Variants in PRKD1 observed in about 807,000 individuals in gnomAD.
PRKD1 encodes protein kinase D1, also known as serine/threonine-protein kinase D1.
In PRKD1, 63 loss-of-function variants were observed where a neutral mutation model predicts 95.9. The observed-to-expected ratio is 0.66, with a 90% CI of 0.54 to 0.81. The LOEUF is 0.81. PRKD1 is among the 30% of genes least tolerant of loss of function. The pLI is 0.00. For synonymous variants in PRKD1, 425 were observed against 423.1 expected, an observed-to-expected ratio of 1.00 and a Z score of -0.05; for missense variants, 1,048 against 1,165.3, an observed-to-expected ratio of 0.90 and a Z score of 1.47.
At chr14:29,851,670 T>A (rs1892312069) in intron 1 of PRKD1, among the ~76,000 whole-genome samples, 1 of 152,136 alleles carries the variant, frequency 6.6e-6, no homozygotes, top group Non-Finnish European at 1.5e-5. Context: ...GGAAAGCAGT[T>A]TGGAGACTGC....
At chr14:29,749,343 C>A (rs1244630978) in intron 1 of PRKD1, among the ~76,000 whole-genome samples, 1 of 152,116 alleles carries the variant, frequency 6.6e-6, no homozygotes, top group Non-Finnish European at 1.5e-5. Flanking sequence ...CAGAGACAGG[C>A]AAGAACCCCA....
chr14:29,705,964 T>A (rs921495385), intron 2 of PRKD1, among the ~76,000 whole-genome samples: 35 of 152,164 alleles, frequency 2.3e-4, no homozygotes, highest in African/African-American at 8.2e-4. Context: ...ATGTTTTCAA[T>A]TCTTTGGGGT....
intron 4 of PRKD1, among the ~76,000 whole-genome samples, chr14:29,653,091 G>A (rs913801112): frequency 6.6e-5 from 10 of 152,132 alleles, no homozygotes; most frequent in South Asian, 2.1e-4. Flanking sequence ...AGTACAATCC[G>A]TGTCTTCATT....
chr14:29,620,533 C>G (rs370772910), intron 13 of PRKD1, among the ~76,000 whole-genome samples: 1 of 145,970 alleles, frequency 6.9e-6, no homozygotes, highest in Non-Finnish European at 1.5e-5. Flanking sequence ...ACAGACACTT[C>G]TCAAAAGAAG....
At chr14:29,796,246 TTC>T (rs1452988457) in intron 1 of PRKD1, among the ~76,000 whole-genome samples, 1 of 152,164 alleles carries the variant, frequency 6.6e-6, no homozygotes, top group Non-Finnish European at 1.5e-5. Context: ...TGATTCTAGT[TTC>T]TCTATCTTAT....
intron 1 of PRKD1, among the ~76,000 whole-genome samples, chr14:29,920,015 G>GGGAAGGAAGGAGGGAA (rs1895035521): frequency 1.9e-5 from 2 of 104,392 alleles, no homozygotes; most frequent in East Asian, 2.7e-4. Context: ...GAAGGAAGGA[G>GGGAAGGAAGGAGGGAA]GGAAGGAAGG....
chr14:29,768,943 A>C (rs1219945104), intron 1 of PRKD1, among the ~76,000 whole-genome samples: 1 of 152,142 alleles, frequency 6.6e-6, no homozygotes, highest in Admixed American at 6.6e-5. Flanking sequence ...CGGGAGCCCA[A>C]GTCAGGTCAC....
intron 1 of PRKD1, among the ~76,000 whole-genome samples, chr14:29,814,432 G>A (rs1890612224): frequency 6.6e-6 from 1 of 152,158 alleles, no homozygotes; most frequent in African/African-American, 2.4e-5. Context: ...TCTTGCTAGT[G>A]GTGCCCTAGT....
At chr14:29,895,354 T>C (rs1338308751) in intron 1 of PRKD1, among the ~76,000 whole-genome samples, 1 of 152,080 alleles carries the variant, frequency 6.6e-6, no homozygotes, top group East Asian at 1.9e-4. Context: ...TCATTTATAC[T>C]GTATTTAATG....
chr14:29,634,153 T>C (rs949058402), intron 8 of PRKD1, among the ~76,000 whole-genome samples: 7 of 152,246 alleles, frequency 4.6e-5, no homozygotes, highest in Admixed American at 1.3e-4. Flanking sequence ...ACAAGTGCTA[T>C]AAAATGGCAG....
At chr14:29,724,971 A>T (rs1161948151) in intron 2 of PRKD1, among the ~76,000 whole-genome samples, 6 of 152,160 alleles carry the variant, frequency 3.9e-5, no homozygotes, top group Non-Finnish European at 7.4e-5. Flanking sequence ...CTAAACAAGA[A>T]ATAAAAAATG....
intron 1 of PRKD1, among the ~76,000 whole-genome samples, chr14:29,886,746 G>T (rs1485468022): frequency 6.6e-6 from 1 of 152,180 alleles, no homozygotes. Context: ...AACATATACT[G>T]AATAAGATAA....
At chr14:29,873,153 G>C (rs749221047) in intron 1 of PRKD1, among the ~76,000 whole-genome samples, 2 of 151,900 alleles carry the variant, frequency 1.3e-5, no homozygotes, top group African/African-American at 4.8e-5. Context: ...TGGCAAGATC[G>C]CAGCTCACTG....
At chr14:29,692,215 T>TC (rs1435759552) in intron 2 of PRKD1, among the ~76,000 whole-genome samples, 1 of 151,860 alleles carries the variant, frequency 6.6e-6, no homozygotes, top group Non-Finnish European at 1.5e-5. Flanking sequence ...TGTTCATTTT[T>TC]TTTTTTTAAA....
intron 1 of PRKD1, among the ~76,000 whole-genome samples, chr14:29,737,328 C>CAAAAAAAAAAAAAAAAAAAAAAA (rs796557046): frequency 5.3e-5 from 2 of 37,908 alleles, no homozygotes; most frequent in African/African-American, 2.0e-4. Flanking sequence ...GACTCCGTCT[C>CAAAAAAAAAAAAAAAAAAAAAAA]AAAAAAAAAA....
intron 10 of PRKD1, among the ~76,000 whole-genome samples, chr14:29,629,686 A>T (rs1879856888): frequency 6.6e-6 from 1 of 152,148 alleles, no homozygotes; most frequent in Non-Finnish European, 1.5e-5. Flanking sequence ...TATTCCTCTA[A>T]AATTTCTTCT....
At chr14:29,593,167 T>C (rs1594345268) in intron 16 of PRKD1, among the ~76,000 whole-genome samples, 1 of 152,194 alleles carries the variant, frequency 6.6e-6, no homozygotes, top group East Asian at 1.9e-4. Context: ...GAATAGTGCC[T>C]GGCTACAGGG....
intron 1 of PRKD1, among the ~76,000 whole-genome samples, chr14:29,795,841 T>G (rs1889791787): frequency 6.6e-6 from 1 of 152,164 alleles, no homozygotes; most frequent in Non-Finnish European, 1.5e-5. Context: ...AATTCAACTT[T>G]CAATGTGTTT....
chr14:29,787,223 T>G (rs947223674), intron 1 of PRKD1, among the ~76,000 whole-genome samples: 2 of 149,984 alleles, frequency 1.3e-5, no homozygotes, highest in South Asian at 2.1e-4. Flanking sequence ...GTGTTTTTTT[T>G]TTTTTTTTTT....
Sources: allele counts gnomAD v4.1 joint callset (sites outside exome capture counted in the v4.1 genomes callset), GRCh38; gene constraint gnomAD v4.1.1; transcripts MANE v1.5; gene names NCBI Gene and HGNC (gene_info 2026-07-23, HGNC 2026-07-21).